The following CHCHD3 variants were observed in gnomAD, a reference collection of about 807,000 sequenced individuals.
CHCHD3 encodes the protein coiled-coil-helix-coiled-coil-helix domain containing 3.
CHCHD3 carries 20 observed loss-of-function variants against 38.2 expected under a neutral mutation model. The ratio of observed to expected loss-of-function variants is 0.52; its 90% CI spans 0.37 to 0.76. The LOEUF (loss-of-function observed/expected upper bound fraction) is 0.76. CHCHD3 is among the 30% of genes least tolerant of loss of function. The pLI is 0.00. For synonymous variants in CHCHD3, 82 were observed against 100.0 expected (o/e 0.82, Z 1.07); for missense variants, 245 against 279.2 (o/e 0.88, Z 0.87).
intron 6 of CHCHD3, among the ~76,000 whole-genome samples, chr7:132,823,635 TAATC>T (rs1807437745): frequency 6.6e-6 from 1 of 152,324 alleles, no homozygotes; most frequent in South Asian, 2.1e-4. Context: ...GCTCATTTAA[TAATC>T]AAGTGGACTA....
intron 3 of CHCHD3, among the ~76,000 whole-genome samples, chr7:132,984,932 C>T (rs1202177253): frequency 5.7e-5 from 5 of 87,112 alleles, no homozygotes; most frequent in Non-Finnish European, 9.9e-5. Context: ...CCAGCCGCCC[C>T]GTCCGGGAGG....
intron 7 of CHCHD3, among the ~76,000 whole-genome samples, chr7:132,793,677 T>G (rs920056239): frequency 6.6e-6 from 1 of 152,184 alleles, no homozygotes; most frequent in Non-Finnish European, 1.5e-5. Context: ...AAGGCCAATC[T>G]TATGAGTTAT....
intron 4 of CHCHD3, among the ~76,000 whole-genome samples, chr7:132,895,277 C>A (rs928191988): frequency 1.3e-5 from 2 of 152,204 alleles, no homozygotes; most frequent in African/African-American, 4.8e-5. Flanking sequence ...AGATTCTCAT[C>A]CTTGGCACTA....
At chr7:132,899,224 A>T in intron 4 of CHCHD3, among the ~76,000 whole-genome samples, 1 of 152,156 alleles carries the variant, frequency 6.6e-6, no homozygotes. Flanking sequence ...GGAAGGGTGG[A>T]GGAGAGAAGG....
At chr7:132,805,129 TGTGCA>T (rs1806882619) in intron 6 of CHCHD3, among the ~76,000 whole-genome samples, 1 of 152,146 alleles carries the variant, frequency 6.6e-6, no homozygotes, top group Admixed American at 6.5e-5. Flanking sequence ...GAGTAAAGGA[TGTGCA>T]GGAACAAAGG....
intron 4 of CHCHD3, among the ~76,000 whole-genome samples, chr7:132,914,933 G>A (rs1316075620): frequency 6.6e-6 from 1 of 152,126 alleles, no homozygotes; most frequent in East Asian, 1.9e-4. Context: ...AGGCTGAGGC[G>A]GGCAGATTAC....
intron 2 of CHCHD3, among the ~76,000 whole-genome samples, chr7:133,041,885 A>G (rs1813842929): frequency 6.6e-6 from 1 of 152,240 alleles, no homozygotes; most frequent in East Asian, 1.9e-4. Context: ...GCTCTAATTC[A>G]ATACTGCCTT....
chr7:133,068,663 T>C (rs1562953452), intron 2 of CHCHD3, among the ~76,000 whole-genome samples: 1 of 152,094 alleles, frequency 6.6e-6, no homozygotes, highest in Non-Finnish European at 1.5e-5. Flanking sequence ...CTATCTGGAT[T>C]GGAGATATAG....
chr7:132,908,373 T>C (rs755565752), intron 4 of CHCHD3, among the ~76,000 whole-genome samples: 11 of 152,198 alleles, frequency 7.2e-5, no homozygotes, highest in Non-Finnish European at 1.5e-4. Context: ...TCCCAAACCT[T>C]AGAAAAATCA....
chr7:133,003,917 G>A (rs1812635452), intron 3 of CHCHD3, among the ~76,000 whole-genome samples: 1 of 151,716 alleles, frequency 6.6e-6, no homozygotes, highest in Non-Finnish European at 1.5e-5. Context: ...ATTTCCATTA[G>A]AAAGTCAACA....
intron 3 of CHCHD3, among the ~76,000 whole-genome samples, chr7:132,997,236 A>G (rs901156483): frequency 2.6e-5 from 4 of 152,338 alleles, no homozygotes; most frequent in African/African-American, 9.6e-5. Flanking sequence ...AGATGAGCCC[A>G]CTGGCTGCCT....
Position 133,035,784 on chromosome 7 carries a change from G to A in CHCHD3, c.170-11157C>T. On this transcript the variant is annotated intron_variant, in intron 2 of 7. Transcript: ENST00000262570. The surrounding 1 kb of genome is among the most constrained non-coding windows in gnomAD (Gnocchi z 4.7). ...AGGAAATTTGCGAAGAAATTCAGAG[G>A]TGCGGTTGGTTTGGCCAAAATGGAA... The A allele has an allele frequency of 1.2e-6, 2 of 1,613,224 alleles. No individual in the cohort carries two copies. The highest frequency in any genetic ancestry group is 1.7e-5 in the Admixed American group (1 of 60,032).
At chr7:132,852,269 A>C (rs1325627806) in intron 5 of CHCHD3, among the ~76,000 whole-genome samples, 5 of 152,172 alleles carry the variant, frequency 3.3e-5, no homozygotes, top group African/African-American at 1.2e-4. Flanking sequence ...GCCAGGGGTA[A>C]GTCCTAGGAA....
rs138200520 is a variant in CHCHD3 at position 132,917,272 on chromosome 7, C to A, written c.370-31527G>T. Among the ~76,000 whole-genome samples, 992 of 150,726 alleles carry A rather than the reference C, an allele frequency of 6.6e-3. 11 individuals are homozygous for A. Among genetic ancestry groups the A allele is most frequent in the African/African-American group, 0.022 (920 of 41,284 alleles). On this transcript the variant is annotated intron_variant, in intron 4 of 7. Coordinates refer to ENST00000262570, the MANE Select transcript of CHCHD3 (RefSeq NM_017812.4). Reference sequence around the variant, plus strand: ...AGTTTCCATCTTTAAACTAAATCCCCCCTGCTGAAATTGAATTCTTACAAA... The same window carrying A: ...AGTTTCCATCTTTAAACTAAATCCCACCTGCTGAAATTGAATTCTTACAAA...
chr7:132,974,143 A>G (rs1425886317), intron 4 of CHCHD3: 1 of 678,128 alleles, frequency 1.5e-6, no homozygotes, highest in Admixed American at 3.5e-5. Context: ...GAAAATGTTC[A>G]TGAGGCTTAA....
chr7:133,034,294 T>A (rs1000884911), intron 2 of CHCHD3, among the ~76,000 whole-genome samples: 16 of 152,172 alleles, frequency 1.1e-4, no homozygotes, highest in Admixed American at 9.2e-4. Context: ...TCACAGAGAT[T>A]CCTTTTTGAA....
chr7:132,787,772 A>G (rs1275153678), intron 7 of CHCHD3, among the ~76,000 whole-genome samples: 1 of 152,226 alleles, frequency 6.6e-6, no homozygotes, highest in Non-Finnish European at 1.5e-5. Context: ...TAGGTTTCTA[A>G]GAAGTCTATG....
chr7:133,079,377 G>A (rs1237885577), intron 1 of CHCHD3, among the ~76,000 whole-genome samples: 12 of 152,334 alleles, frequency 7.9e-5, no homozygotes, highest in African/African-American at 2.4e-4. Context: ...GAGCGACACC[G>A]CTAGTGAGAG....
Position 133,033,497 on chromosome 7 carries a change from A to G in CHCHD3, c.170-8870T>C, listed in dbSNP as rs548748918. Among the ~76,000 whole-genome samples the G allele has an allele frequency of 2.5e-4, 38 of 152,318 alleles. No individual in the cohort carries two copies. In the East Asian group the frequency reaches 7.3e-3, roughly 29 times the overall value. On this transcript the variant is annotated intron_variant, in intron 2 of 7. Coordinates refer to ENST00000262570, the MANE Select transcript of CHCHD3 (RefSeq NM_017812.4). ...CTACTCAAACACTTTCTAAAGTGGT[A>G]CAGTATTGCCCCACCACTGCGCACC...
Sources: allele counts gnomAD v4.1 joint callset (sites outside exome capture counted in the v4.1 genomes callset), GRCh38; gene constraint gnomAD v4.1.1; non-coding constraint Gnocchi (gnomAD v3.1); transcripts MANE v1.5; gene names NCBI Gene and HGNC (gene_info 2026-07-23, HGNC 2026-07-21).